Variants in LAMA3 observed in about 807,000 individuals in gnomAD.
The protein encoded by LAMA3 is laminin subunit alpha 3, also known as laminin subunit alpha-3.
LAMA3 carries 281 observed loss-of-function variants against 402.0 expected under a neutral mutation model. The ratio of observed to expected loss-of-function variants is 0.70; its 90% confidence interval spans 0.63 to 0.77. The LOEUF (loss-of-function observed/expected upper bound fraction) is 0.77, where lower values mean the gene tolerates loss of function less well. Ranked by LOEUF, LAMA3 falls within the 30% of genes least tolerant of loss-of-function variation. The probability of loss-of-function intolerance (pLI) is 0.00; values close to 1 mark genes in which losing one functional copy is unlikely to be tolerated. For synonymous variants in LAMA3, 1,431 were observed against 1,558.4 expected (o/e 0.92, Z 1.93); for missense variants, 3,840 against 4,215.5 (o/e 0.91, Z 2.47).
At chr18:23,932,858 G>A (rs1231563780) in intron 66 of LAMA3, among the ~76,000 whole-genome samples, 1 of 152,172 alleles carries the variant, frequency 6.6e-6, no homozygotes, top group Admixed American at 6.5e-5. Flanking sequence ...GAATTCTCAG[G>A]CTACCATGAC....
chr18:23,852,022 TA>T (rs1348042911), intron 32 of LAMA3, among the ~76,000 whole-genome samples: 1 of 152,132 alleles, frequency 6.6e-6, no homozygotes, highest in African/African-American at 2.4e-5. Flanking sequence ...GAAATCTGAG[TA>T]TCATCTTAGA....
At position 23,950,018 on chromosome 18, in the gene LAMA3, T is replaced by C. The variant is rs776372744; in HGVS notation, c.9512-11T>C. The C allele has an allele frequency of 6.8e-6, 11 of 1,614,184 alleles. No homozygotes were observed. Among genetic ancestry groups the C allele is most frequent in the Non-Finnish European group, 8.5e-6 (10 of 1,180,032 alleles). Reference sequence around the variant, plus strand: ...GATGCTTTAACTTTTGCTTTGTTTCTCTTTTGAAAGCTCACTCTGTATTGT... The same window carrying C: ...GATGCTTTAACTTTTGCTTTGTTTCCCTTTTGAAAGCTCACTCTGTATTGT... On this transcript the variant is annotated splice_polypyrimidine_tract_variant and intron_variant, in intron 71 of 74. Coordinates refer to ENST00000313654, the MANE Select transcript of LAMA3 (RefSeq NM_198129.4).
chr18:23,807,886 A>T (rs1357778686), intron 12 of LAMA3, among the ~76,000 whole-genome samples: 3 of 152,202 alleles, frequency 2.0e-5, no homozygotes, highest in African/African-American at 7.2e-5. Context: ...ACCCAAGAAC[A>T]TTTCCTCAGA....
chr18:23,900,270 C>A (rs2081026460), intron 47 of LAMA3, among the ~76,000 whole-genome samples: 1 of 152,074 alleles, frequency 6.6e-6, no homozygotes, highest in African/African-American at 2.4e-5. Context: ...AGGGTTTTAC[C>A]ATTTTGGCCA....
Position 23,815,252 on chromosome 18 carries a change from T to G in LAMA3, c.1941+12T>G. Reference sequence around the variant, plus strand: ...GAGAGTGTAGGCAGGTAAAGTGGGCTGAGTTTTCATGTGACAACAGCAGAA... The same window carrying G: ...GAGAGTGTAGGCAGGTAAAGTGGGCGGAGTTTTCATGTGACAACAGCAGAA... On this transcript the variant is annotated intron_variant, in intron 16 of 74. Transcript: ENST00000313654. The G allele has an allele frequency of 6.2e-7, 1 of 1,612,950 alleles. No individual in the cohort carries two copies. The highest frequency in any genetic ancestry group is 1.7e-4 in the Middle Eastern group (1 of 6,058).
At position 23,824,416 on chromosome 18, in the gene LAMA3, C is replaced by A; in HGVS notation, c.2429-7C>A. The stretch of plus-strand genomic sequence containing the variant: ...ATGCCTTAAGCAGTTCTTTGTATTT[C>A]TGATAGGTGCTGCTCAAAGCAAAGA... On this transcript the variant is annotated splice_region_variant and splice_polypyrimidine_tract_variant and intron_variant, in intron 20 of 74. Coordinates refer to ENST00000313654, the MANE Select transcript of LAMA3 (RefSeq NM_198129.4). 1 of 1,613,982 alleles carries A rather than the reference C, an allele frequency of 6.2e-7. No individual in the cohort carries two copies. The highest frequency in any genetic ancestry group is 8.5e-7 in the Non-Finnish European group (1 of 1,179,876).
chr18:23,923,805 A>C (rs960519454), intron 62 of LAMA3, among the ~76,000 whole-genome samples: 1 of 152,304 alleles, frequency 6.6e-6, no homozygotes, highest in South Asian at 2.1e-4. Context: ...TGTTTGCATG[A>C]TATTAACACA....
intron 65 of LAMA3, 97 bp from the exon 66 acceptor site, chr18:23,932,063 A>G (rs535026916): frequency 2.8e-6 from 4 of 1,418,344 alleles, no homozygotes; most frequent in Middle Eastern, 2.4e-4. Flanking sequence ...TTAGATAACA[A>G]ATATTGAATC....
At chr18:23,915,162 T>TC (rs1349872304) in intron 58 of LAMA3, 127 bp from the exon 59 acceptor site, 2 of 1,098,338 alleles carry the variant, frequency 1.8e-6, no homozygotes, top group African/African-American at 3.1e-5. Context: ...AGCCAGGGCA[T>TC]CTTGTTCCAG....
At chr18:23,915,640 T>G (rs971229821) in intron 59 of LAMA3, among the ~76,000 whole-genome samples, 2 of 152,036 alleles carry the variant, frequency 1.3e-5, no homozygotes, top group African/African-American at 4.8e-5. Context: ...TGCTAGATAG[T>G]TTTCTCACTT....
chr18:23,797,543 G>A (rs1397708827), intron 12 of LAMA3, among the ~76,000 whole-genome samples: 8 of 152,024 alleles, frequency 5.3e-5, no homozygotes, highest in East Asian at 1.9e-4. Context: ...GTAAAACCCC[G>A]TCTCTACTAA....
At chr18:23,898,575 A>G (rs751546523) in intron 44 of LAMA3, 163 bp from the exon 45 acceptor site, 11 of 640,384 alleles carry the variant, frequency 1.7e-5, no homozygotes, top group Non-Finnish European at 3.1e-5. Context: ...GTACATCAGA[A>G]AATAGATTCC....
At chr18:23,713,240 C>T (rs184360985) in intron 1 of LAMA3, among the ~76,000 whole-genome samples, 1 of 152,318 alleles carries the variant, frequency 6.6e-6, no homozygotes, top group Non-Finnish European at 1.5e-5. Context: ...TCTCTCAATG[C>T]TTGCCCTCAA....
chr18:23,847,743 T>TGACTTTC, intron 32 of LAMA3, 75 bp downstream of exon 32: 1 of 1,452,644 alleles, frequency 6.9e-7, no homozygotes, highest in Middle Eastern at 2.3e-4. Context: ...CTGGTCATCG[T>TGACTTTC]CACTTTCCAC....
chr18:23,746,906 T>C (rs913020116), intron 2 of LAMA3, among the ~76,000 whole-genome samples: 2 of 151,820 alleles, frequency 1.3e-5, no homozygotes, highest in East Asian at 3.9e-4. Flanking sequence ...CAACTTACCA[T>C]ACTACTGTTT....
At position 23,814,264 on chromosome 18, in the gene LAMA3, A is replaced by G. The variant is rs2063133716; in HGVS notation, c.1789-139A>G. ...ATTAGCAGACTGTTGAAATCAACCC[A>G]GTATTTTTTCCCCCTGGATACACTT... is the stretch of plus-strand genomic sequence containing the variant. On this transcript the variant is annotated intron_variant, in intron 14 of 74. Transcript: ENST00000313654. The G allele has an allele frequency of 5.7e-6, 4 of 696,378 alleles. No individual in the cohort carries two copies. The South Asian group carries it at 6.2e-5, about 11-fold the overall frequency. The allele number at this position is 696,378 out of a possible 1,614,324, so 43.1% of individuals were successfully genotyped here. A position where few individuals can be genotyped will look rare whatever the true frequency, so the allele number is the denominator to read the frequency against.
chr18:23,878,519 C>T (rs1274077683), intron 39 of LAMA3, among the ~76,000 whole-genome samples: 4 of 152,382 alleles, frequency 2.6e-5, no homozygotes, highest in South Asian at 2.1e-4. Context: ...CACACACACA[C>T]GGAGCCCATG....
Position 23,919,574 on chromosome 18 carries a change from G to A in LAMA3, c.7924-1361G>A, listed in dbSNP as rs183935995. 1.8e-3 allele frequency among the ~76,000 whole-genome samples: 268 copies of A among 152,330 alleles called. 1 individual carries two copies. Among genetic ancestry groups the A allele is most frequent in the Middle Eastern group, 6.8e-3 (2 of 294 alleles). ...AGGATGTACAACATAAAAGACACTTGAGCAAAGGAAATGCTTCCTCTGAGA... is the reference window on the plus strand; with the variant it reads ...AGGATGTACAACATAAAAGACACTTAAGCAAAGGAAATGCTTCCTCTGAGA... On this transcript the variant is annotated intron_variant, in intron 60 of 74. Coordinates refer to ENST00000313654, the MANE Select transcript of LAMA3 (RefSeq NM_198129.4).
In LAMA3 at chr18:23,876,343, G is replaced by A. The variant is rs747118199; in HGVS notation, c.5048G>A (p.Arg1683Gln). 47 of 1,614,100 alleles carry A rather than the reference G, an allele frequency of 2.9e-5. No homozygotes were observed. The highest frequency in any genetic ancestry group is 1.3e-4 in the Admixed American group (8 of 60,024). The change falls in exon 39 of 75, where the codon CGG becomes CAG. Residue 1683 changes from arginine (R) to glutamine (Q), a missense_variant. Around this residue, in one of 3 missense-constraint regions of LAMA3, gnomAD observed 2,109 missense variants for 2,376.0 expected, o/e 0.89. Transcript: ENST00000313654. ...YRDHKGLYTG[R>Q]CVPCNCNGHS... Reference sequence around the variant, plus strand: ...GATCATAAAGGCTTGTATACCGGACGGTGTGTTCCCTGCAATTGCAACGGA... The same window carrying A: ...GATCATAAAGGCTTGTATACCGGACAGTGTGTTCCCTGCAATTGCAACGGA...
Sources: allele counts gnomAD v4.1 joint callset (sites outside exome capture counted in the v4.1 genomes callset), GRCh38; gene constraint gnomAD v4.1.1; regional missense constraint gnomAD v4.1.1; transcripts MANE v1.5; gene names NCBI Gene and HGNC (gene_info 2026-07-23, HGNC 2026-07-21).